The following PLXDC1 variants were observed in gnomAD, a reference collection of about 807,000 sequenced individuals.
PLXDC1 encodes plexin domain-containing protein 1.
In PLXDC1, 39 loss-of-function variants were observed where a neutral mutation model predicts 61.3. The observed-to-expected ratio is 0.64, with a 90% CI of 0.49 to 0.83. PLXDC1 has a LOEUF of 0.83. Among genes scored for constraint, PLXDC1 ranks in the 40% least tolerant of loss-of-function variants. The probability of loss-of-function intolerance (pLI) is 0.00; values close to 1 mark genes in which losing one functional copy is unlikely to be tolerated. For synonymous variants in PLXDC1, 212 were observed against 254.5 expected (o/e 0.83, Z 1.59); for missense variants, 596 against 666.5 (o/e 0.89, Z 1.17).
rs1908890059 is a variant in PLXDC1 at position 39,066,176 on chromosome 17, G to C, written c.*1664C>G. ...TTATCAGGCAAGTCCTGCCTTTGGAGGTATGTACAGGCACTGACATCAGAA... is the reference window on the plus strand; with the variant it reads ...TTATCAGGCAAGTCCTGCCTTTGGACGTATGTACAGGCACTGACATCAGAA... On this transcript the variant is annotated 3_prime_UTR_variant, in exon 14 of 14. Coordinates refer to ENST00000315392, the MANE Select transcript of PLXDC1 (RefSeq NM_020405.5). The C allele has an allele frequency of 1.3e-5, 2 of 152,272 alleles. No homozygotes were observed. Among genetic ancestry groups the C allele is most frequent in the South Asian group, 4.1e-4 (2 of 4,832 alleles). The allele number at this position is 152,272 out of a possible 1,614,324, so 9.4% of individuals were successfully genotyped here.
chr17:39,086,280 T>C (rs1270258045), intron 8 of PLXDC1, among the ~76,000 whole-genome samples: 2 of 152,198 alleles, frequency 1.3e-5, no homozygotes, highest in South Asian at 4.1e-4. Flanking sequence ...GGCTGTGACC[T>C]CTAAAGTGTC....
chr17:39,116,117 C>CA (rs1187845486), intron 2 of PLXDC1, among the ~76,000 whole-genome samples: 6 of 151,728 alleles, frequency 4.0e-5, no homozygotes, highest in African/African-American at 1.4e-4. Context: ...GACTCCGTCT[C>CA]AAAAAAACAA....
chr17:39,144,617 T>C (rs1057305534), intron 1 of PLXDC1: 2 of 152,256 alleles, frequency 1.3e-5, no homozygotes, highest in African/African-American at 4.8e-5. Context: ...ACAAAGACTT[T>C]CCTGAAAGCC....
At chr17:39,099,315 C>T (rs1241008595) in intron 7 of PLXDC1, among the ~76,000 whole-genome samples, 1 of 152,172 alleles carries the variant, frequency 6.6e-6, no homozygotes, top group Non-Finnish European at 1.5e-5. Context: ...GCAGATGCTA[C>T]CGGGGATCTG....
intron 9 of PLXDC1, chr17:39,079,858 A>G (rs1409006075): frequency 7.0e-6 from 2 of 287,584 alleles, no homozygotes; most frequent in Non-Finnish European, 1.4e-5. Context: ...GAAGAATAAC[A>G]TCATGAACCA....
chr17:39,071,569 T>C (rs1909119052), intron 12 of PLXDC1, among the ~76,000 whole-genome samples: 1 of 152,118 alleles, frequency 6.6e-6, no homozygotes. Context: ...TGAGGTGAAA[T>C]GCCCCAGGTG....
rs766276914 is a variant in PLXDC1, at chr17:39,087,620, G to C, written c.894C>G (p.Phe298Leu). The C allele has an allele frequency of 1.9e-6, 3 of 1,613,306 alleles. No individual in the cohort carries two copies. The East Asian group carries it at 6.7e-5, about 36-fold the overall frequency. ...ACCCCTACTCACTCGGCAATGGGGT[G>C]AACTCCACGGCCGACATGCTGGTGA... is the stretch of plus-strand genomic sequence containing the variant. Reference protein sequence around the residue: ...SKVTSMSAVEFTPLPTCLQHR... With the variant: ...SKVTSMSAVELTPLPTCLQHR... The change falls in exon 8 of 14, where the codon TTC becomes TTG. Residue 298 changes from phenylalanine (F) to leucine (L), a missense_variant. Phe to Leu is a conservative substitution (Grantham distance 22). Transcript: ENST00000315392.
At chr17:39,152,876 G>A, upstream of PLXDC1, 2 of 406,382 alleles carry the variant, frequency 4.9e-6, no homozygotes, top group Non-Finnish European at 8.4e-6. Context: ...GCCGGGCCCA[G>A]AGTCCCAGAG....
intron 7 of PLXDC1, among the ~76,000 whole-genome samples, chr17:39,089,420 G>C (rs1472788602): frequency 6.6e-6 from 1 of 152,180 alleles, no homozygotes; most frequent in Non-Finnish European, 1.5e-5. Flanking sequence ...GGGCTCATGG[G>C]GAAAGGCAGA....
chr17:39,128,090 T>TGTGTGTATATATATATATATATA (rs1567769465), intron 2 of PLXDC1, among the ~76,000 whole-genome samples: 1 of 78,876 alleles, frequency 1.3e-5, no homozygotes, highest in Non-Finnish European at 2.6e-5. Flanking sequence ...TCTCTCTCTC[T>TGTGTGTATATATATATATATATA]CTATGTGTAT....
intron 2 of PLXDC1, among the ~76,000 whole-genome samples, chr17:39,133,184 G>A (rs757425189): frequency 6.6e-6 from 1 of 152,188 alleles, no homozygotes; most frequent in African/African-American, 2.4e-5. Context: ...CAGGTTGGGG[G>A]TGGGCAGATA....
chr17:39,079,363 G>A, intron 9 of PLXDC1, 199 bp from the exon 10 acceptor site: 2 of 610,504 alleles, frequency 3.3e-6, no homozygotes, highest in Non-Finnish European at 6.1e-6. Flanking sequence ...TTCCCACCCA[G>A]CTCCCCAGGA....
chr17:39,118,130 T>G (rs1911049920), intron 2 of PLXDC1, among the ~76,000 whole-genome samples: 2 of 133,336 alleles, frequency 1.5e-5, no homozygotes, highest in Admixed American at 8.2e-5. Context: ...CTCAATCTCT[T>G]CCTTCCTTCC....
chr17:39,139,966 G>A, intron 1 of PLXDC1, 134 bp from the exon 2 acceptor site: 1 of 844,854 alleles, frequency 1.2e-6, no homozygotes. Flanking sequence ...CTGACTACCA[G>A]GACAGGAGAC....
At chr17:39,098,094 A>T (rs529516125) in intron 7 of PLXDC1, among the ~76,000 whole-genome samples, 1 of 149,596 alleles carries the variant, frequency 6.7e-6, no homozygotes, top group South Asian at 2.1e-4. Flanking sequence ...AATCACAGCT[A>T]CTCCGGAGGC....
intron 7 of PLXDC1, among the ~76,000 whole-genome samples, chr17:39,090,521 C>T (rs1292648742): frequency 1.3e-5 from 2 of 152,142 alleles, no homozygotes; most frequent in South Asian, 4.1e-4. Context: ...GGAGAGGAGG[C>T]TTAGGGTTGC....
chr17:39,094,673 C>T (rs930708166), intron 7 of PLXDC1, among the ~76,000 whole-genome samples: 5 of 152,284 alleles, frequency 3.3e-5, no homozygotes, highest in South Asian at 4.1e-4. Context: ...AGGCCTTGCA[C>T]TTAACAGGAC....
Position 39,098,398 on chromosome 17 carries a change from G to A in PLXDC1, c.811+7456C>T, listed in dbSNP as rs146740830. ...AGAGTCACAATAGAGCAGAGGACAA[G>A]GTCTATGCTATGTCCATTCCCTTCA... On this transcript the variant is annotated intron_variant, in intron 7 of 13. Coordinates refer to ENST00000315392, the MANE Select transcript of PLXDC1 (RefSeq NM_020405.5). Among the ~76,000 whole-genome samples, 449 of 152,206 alleles carry A rather than the reference G, an allele frequency of 2.9e-3. 4 individuals carry two copies. Among genetic ancestry groups the A allele is most frequent in the African/African-American group, 9.9e-3 (412 of 41,520 alleles).
intron 10 of PLXDC1, among the ~76,000 whole-genome samples, chr17:39,078,702 T>C (rs189685790): frequency 1.3e-5 from 2 of 152,142 alleles, no homozygotes; most frequent in Admixed American, 1.3e-4. Flanking sequence ...ACCACCCTTC[T>C]CACTCCCAGA....
Sources: allele counts gnomAD v4.1 joint callset (sites outside exome capture counted in the v4.1 genomes callset), GRCh38; gene constraint gnomAD v4.1.1; transcripts MANE v1.5; gene names NCBI Gene and HGNC (gene_info 2026-07-23, HGNC 2026-07-21).